The following PCDHGB2 variants were observed in gnomAD, a reference collection of about 807,000 sequenced individuals.
The protein encoded by PCDHGB2 is protocadherin gamma subfamily B, 2, also known as protocadherin gamma-B2.
PCDHGB2 carries 55 observed loss-of-function variants against 59.3 expected under a neutral mutation model. The ratio of observed to expected loss-of-function variants is 0.93; its 90% confidence interval spans 0.75 to 1.16. PCDHGB2 has a LOEUF of 1.16. Among genes scored for constraint, PCDHGB2 ranks in the 50% most tolerant of loss-of-function variants. The pLI, the probability that PCDHGB2 is intolerant of heterozygous loss-of-function variation, is 0.00. For synonymous variants in PCDHGB2, 516 were observed against 512.0 expected (o/e 1.01, Z -0.11); for missense variants, 1,228 against 1,198.5 (o/e 1.02, Z -0.36).
chr5:141,466,928 T>TTAG (rs1231908662), intron 1 of PCDHGB2, among the ~76,000 whole-genome samples: 1 of 152,220 alleles, frequency 6.6e-6, no homozygotes, highest in Non-Finnish European at 1.5e-5. Context: ...ATTAGGAATA[T>TTAG]TAGTCCTTTG....
At chr5:141,423,384 C>G (rs1196881147) in intron 1 of PCDHGB2, 1 of 1,614,054 alleles carries the variant, frequency 6.2e-7, no homozygotes, top group Non-Finnish European at 8.5e-7. Context: ...GGCTGTGGCG[C>G]TGGCATAAGT....
chr5:141,373,211 T>C (rs1258872699), intron 1 of PCDHGB2, among the ~76,000 whole-genome samples: 1 of 152,254 alleles, frequency 6.6e-6, no homozygotes, highest in Non-Finnish European at 1.5e-5. Flanking sequence ...AACACATTTT[T>C]AATGTAACCT....
intron 1 of PCDHGB2, chr5:141,375,492 C>G (rs1479166064): frequency 9.9e-6 from 16 of 1,614,008 alleles, no homozygotes; most frequent in Non-Finnish European, 1.4e-5. Context: ...AGGGGTGCCT[C>G]CATCTTCTCT....
At chr5:141,501,013 C>T (rs1456343329) in intron 2 of PCDHGB2, among the ~76,000 whole-genome samples, 2 of 151,970 alleles carry the variant, frequency 1.3e-5, no homozygotes, top group Non-Finnish European at 2.9e-5. Context: ...GGACTACAGG[C>T]ACGCGCCACC....
intron 1 of PCDHGB2, chr5:141,413,382 CAT>C (rs752944261): frequency 2.5e-6 from 4 of 1,613,998 alleles, no homozygotes; most frequent in Non-Finnish European, 3.4e-6. Flanking sequence ...GCGGAGTCCG[CAT>C]AGTCTCCAGA....
chr5:141,509,300 G>A (rs987250093), intron 3 of PCDHGB2, among the ~76,000 whole-genome samples: 5 of 152,216 alleles, frequency 3.3e-5, no homozygotes, highest in African/African-American at 1.2e-4. Flanking sequence ...GGTGGAGGCA[G>A]AGGGAGGCTG....
In PCDHGB2 at chr5:141,362,347, G is replaced by T; in HGVS notation, c.2212G>T (p.Gly738Trp). Residue 738 changes from glycine to tryptophan, a missense_variant, in exon 1 of 4, where the codon GGG becomes TGG. Gly to Trp is a radical substitution (Grantham distance 184). This residue lies in a region of PCDHGB2 where 433 missense variants were observed against 441.8 expected (regional missense o/e 0.98). Transcript: ENST00000522605. Reference sequence around the variant, plus strand: ...TGGTCTCAGCTCCAAGCCTGGACCTGGGGTTCTCCCCAATTACAGTGAGGG... The same window carrying T: ...TGGTCTCAGCTCCAAGCCTGGACCTTGGGTTCTCCCCAATTACAGTGAGGG... The part of the protein sequence containing the change: ...QPGLSSKPGP[G>W]VLPNYSEGTL... 1 of 1,614,042 alleles carries T rather than the reference G, an allele frequency of 6.2e-7. No individual in the cohort carries two copies. Among genetic ancestry groups the T allele is most frequent in the Non-Finnish European group, 8.5e-7 (1 of 1,179,888 alleles).
rs1239203203 is a variant in PCDHGB2 at position 141,403,933 on chromosome 5, G to T, written c.2421+41377G>T. 1.7e-5 allele frequency: 27 copies of T among 1,613,792 alleles called. No homozygotes were observed. The highest frequency in any genetic ancestry group is 1.6e-4 in the African/African-American group (12 of 74,902). ...TACAAGCTGAAGATGGTGGGGGATT[G>T]AAAGGGTGGACAAAAGTGCTCATTT... On this transcript the variant is annotated intron_variant, in intron 1 of 3. Transcript: ENST00000522605.
At chr5:141,509,143 C>T (rs1022878562) in intron 3 of PCDHGB2, among the ~76,000 whole-genome samples, 9 of 152,138 alleles carry the variant, frequency 5.9e-5, no homozygotes, top group Non-Finnish European at 1.0e-4. Flanking sequence ...AGGCGCATCC[C>T]GGCTCTCCCC....
At chr5:141,478,506 ATAGGCAGGTGTTGGG>A in intron 1 of PCDHGB2, 1 of 1,612,314 alleles carries the variant, frequency 6.2e-7, no homozygotes, top group Non-Finnish European at 8.5e-7. Context: ...CCGGTGTTCT[ATAGGCAGGTGTTGGG>A]TGCAGAGAGC....
At chr5:141,416,093 C>T (rs1241017265) in intron 1 of PCDHGB2, 1 of 162,720 alleles carries the variant, frequency 6.1e-6, no homozygotes, top group Admixed American at 6.4e-5. Flanking sequence ...AGGAGAAGGG[C>T]AATAGGCCTT....
Position 141,431,887 on chromosome 5 carries a change from T to G in PCDHGB2, c.2422-62920T>G. ...TTTTAAATGTAAATGACCAAGATTC[T>G]GAGGAAAACGGACAGGTGATCTGTT... On this transcript the variant is annotated intron_variant, in intron 1 of 3. Transcript: ENST00000522605. The surrounding 1 kb of genome is among the most constrained non-coding windows in gnomAD (Gnocchi z 4.8). 6.2e-7 allele frequency: 1 copy of G among 1,614,190 alleles called. No individual in the cohort carries two copies. Among genetic ancestry groups the G allele is most frequent in the Non-Finnish European group, 8.5e-7 (1 of 1,179,996 alleles).
rs774682943 is a variant in PCDHGB2 at position 141,493,841 on chromosome 5, T to G, written c.2422-966T>G. Among the ~76,000 whole-genome samples the G allele has an allele frequency of 3.3e-5, 5 of 152,024 alleles. No homozygotes were observed. Among genetic ancestry groups the G allele is most frequent in the Non-Finnish European group, 7.4e-5 (5 of 68,010 alleles). On this transcript the variant is annotated intron_variant, in intron 1 of 3. Transcript: ENST00000522605. This position sits in a 1 kb window ranked among gnomAD's most constrained non-coding sequence, Gnocchi z 4.3. The stretch of plus-strand genomic sequence containing the variant: ...CTCTGCTTCTGGGAGCAAGTATGAG[T>G]ATTAATTACCAGCCCACCCCAGAAC...
At position 141,362,557 on chromosome 5, in the gene PCDHGB2, G is replaced by T. The variant is rs760760208; in HGVS notation, c.2421+1G>T. 7 of 1,611,836 alleles carry T rather than the reference G, an allele frequency of 4.3e-6. No individual in the cohort carries two copies. The Middle Eastern group carries it at 5.0e-4, about 114-fold the overall frequency. ...TTTTGCCTCAGATACTATTTTGAAG[G>T]TGAGCTTTAATTAATTTATTTTCAC... On this transcript the variant is annotated splice_donor_variant, in intron 1 of 3. Transcript: ENST00000522605. LOFTEE classifies it high-confidence loss of function.
intron 1 of PCDHGB2, chr5:141,388,316 G>A: frequency 6.2e-7 from 1 of 1,613,866 alleles, no homozygotes; most frequent in South Asian, 1.1e-5. Flanking sequence ...AAATAAGTGA[G>A]TCTGCACAGC....
intron 1 of PCDHGB2, chr5:141,419,479 C>T (rs764891283): frequency 6.2e-7 from 1 of 1,612,390 alleles, no homozygotes; most frequent in Non-Finnish European, 8.5e-7. Context: ...AGGGCTCGCC[C>T]GCGCTCAGCG....
At position 141,361,915 on chromosome 5, in the gene PCDHGB2, G is replaced by T; in HGVS notation, c.1780G>T (p.Val594Leu). The change falls in exon 1 of 4, where the codon GTG becomes TTG. Residue 594 changes from valine to leucine, a missense_variant. Val to Leu is a conservative substitution (Grantham distance 32). Around this residue, in one of 3 missense-constraint regions of PCDHGB2, gnomAD observed 14 missense variants for 35.2 expected, o/e 0.40. Coordinates refer to ENST00000522605, the MANE Select transcript of PCDHGB2 (RefSeq NM_018923.3). ...PGYLVTKVVA[V>L]DADSGHNAWL... The stretch of plus-strand genomic sequence containing the variant: ...CTACCTGGTGACCAAGGTGGTGGCG[G>T]TGGACGCAGACTCAGGACACAACGC... The T allele has an allele frequency of 6.2e-7, 1 of 1,608,488 alleles. No individual in the cohort carries two copies. Among genetic ancestry groups the T allele is most frequent in the Non-Finnish European group, 8.5e-7 (1 of 1,179,150 alleles).
At chr5:141,366,560 G>A (rs1441467698) in intron 1 of PCDHGB2, 2 of 1,614,132 alleles carry the variant, frequency 1.2e-6, no homozygotes, top group Non-Finnish European at 1.7e-6. Flanking sequence ...TGTGGGCGTG[G>A]ATGGGGTTCG....
chr5:141,457,429 C>G (rs73280316), intron 1 of PCDHGB2, among the ~76,000 whole-genome samples: 1,780 of 152,292 alleles, frequency 0.012, 30 homozygotes, highest in African/African-American at 0.04. Context: ...TTTTCCCCCC[C>G]ACCAAGCTGC....
Sources: allele counts gnomAD v4.1 joint callset (sites outside exome capture counted in the v4.1 genomes callset), GRCh38; gene constraint gnomAD v4.1.1; regional missense constraint gnomAD v4.1.1; non-coding constraint Gnocchi (gnomAD v3.1); transcripts MANE v1.5; gene names NCBI Gene and HGNC (gene_info 2026-07-23, HGNC 2026-07-21).